The following RHD variants were observed in gnomAD, a reference collection of about 807,000 sequenced individuals.
RHD encodes Rh blood group D antigen, also known as blood group Rh(D) polypeptide.
A neutral mutation model predicts 45.5 loss-of-function variants in RHD; 16 were observed. The ratio of observed to expected loss-of-function variants is 0.35; its 90% confidence interval spans 0.24 to 0.53. The LOEUF (loss-of-function observed/expected upper bound fraction) is 0.53. Among genes scored for constraint, RHD ranks in the 20% least tolerant of loss-of-function variants. RHD has a pLI of 0.92. For missense variants in RHD, 306 were observed against 532.0 expected (o/e 0.58, Z 4.18); for synonymous variants, 131 against 217.5 (o/e 0.60, Z 3.50).
rs1296622342 is a variant in RHD at position 25,295,971 on chromosome 1, T to C, written c.487-4975T>C. ...TCTGCCTTCCAGGTTCAAGTGATTC[T>C]CCTGTCTCAGCTTCCCGAGTAGCTG... is the stretch of plus-strand genomic sequence containing the variant. On this transcript the variant is annotated intron_variant, in intron 3 of 9. Transcript: ENST00000328664. 1.7e-4 allele frequency among the ~76,000 whole-genome samples: 20 copies of C among 115,626 alleles called. 6 individuals carry two copies. The highest frequency in any genetic ancestry group is 3.6e-4 in the Non-Finnish European group (18 of 49,788). 75.9% of individuals were successfully genotyped at this position (115,626 alleles called of 152,430 possible). A position where few individuals can be genotyped will look rare whatever the true frequency, so the allele number is the denominator to read the frequency against.
rs989205835 is a variant in RHD, at chr1:25,304,337, C to T, written c.939+878C>T. On this transcript the variant is annotated intron_variant, in intron 6 of 9. Transcript: ENST00000328664. ...CTAAAATTAGGAAAAACTGGCTGGG[C>T]GCAGTGGCTCACGCGCTTTGGGAGG... 7 of 119,588 alleles carry T rather than the reference C, an allele frequency of 5.9e-5. 3 individuals carry two copies. Among genetic ancestry groups the T allele is most frequent in the East Asian group, 2.0e-4 (1 of 4,988 alleles). The allele number at this position is 119,588 out of a possible 1,614,324, so 7.4% of individuals were successfully genotyped here.
rs1448947675 is a variant in RHD at position 25,273,848 on chromosome 1, C to T, written c.148+1153C>T. On this transcript the variant is annotated intron_variant, in intron 1 of 9. Coordinates refer to ENST00000328664, the MANE Select transcript of RHD (RefSeq NM_016124.6). ...TTGCTTGTTCCTAGGTTGATATGAA[C>T]GGCTAGTTAACTGGAAGCAAAGAGA... Among the ~76,000 whole-genome samples the T allele has an allele frequency of 3.9e-5, 5 of 129,136 alleles. 2 individuals are homozygous for T. Among genetic ancestry groups the T allele is most frequent in the Non-Finnish European group, 7.3e-5 (4 of 54,602 alleles). The allele number at this position is 129,136 out of a possible 152,430, so 84.7% of individuals were successfully genotyped here. A position where few individuals can be genotyped will look rare whatever the true frequency, so the allele number is the denominator to read the frequency against.
chr1:25,281,325 C>T (rs1571590541), intron 1 of RHD, among the ~76,000 whole-genome samples: 1 of 129,766 alleles, frequency 7.7e-6, no homozygotes, highest in East Asian at 2.0e-4. Context: ...CCTCTGGGCC[C>T]GGTCATGAGC....
rs1193592351 is a variant in RHD, at chr1:25,291,720, C to A, written c.486+929C>A. 1.5e-5 allele frequency among the ~76,000 whole-genome samples: 2 copies of A among 132,468 alleles called. 1 individual carries two copies. The highest frequency in any genetic ancestry group is 5.2e-5 in the African/African-American group (2 of 38,816). The allele number at this position is 132,468 out of a possible 152,430, so 86.9% of individuals were successfully genotyped here. A position where few individuals can be genotyped will look rare whatever the true frequency, so the allele number is the denominator to read the frequency against. On this transcript the variant is annotated intron_variant, in intron 3 of 9. Transcript: ENST00000328664. ...AGCCAGCATCTTCTTTCAGTCAGTG[C>A]GTGTCAGTAACTGCATATGTCCTCT... is the stretch of plus-strand genomic sequence containing the variant.
intron 3 of RHD, 131 bp from the exon 4 acceptor site, chr1:25,300,815 C>T: frequency 9.4e-7 from 1 of 1,058,518 alleles, no homozygotes; most frequent in East Asian, 2.3e-5. Context: ...GCTGGGTAAG[C>T]TCTGAACACC....
Position 25,319,320 on chromosome 1 carries a change from A to G in RHD, c.1153+2241A>G, listed in dbSNP as rs1225858774. On this transcript the variant is annotated intron_variant, in intron 8 of 9. Coordinates refer to ENST00000328664, the MANE Select transcript of RHD (RefSeq NM_016124.6). ...TTTACATGTTGTTTTTGACATGAGCAAACTGGTGATTAAAAACAACTTGGG... is the reference window on the plus strand; with the variant it reads ...TTTACATGTTGTTTTTGACATGAGCGAACTGGTGATTAAAAACAACTTGGG... Among the ~76,000 whole-genome samples the G allele has an allele frequency of 5.3e-5, 7 of 132,816 alleles. 3 individuals carry two copies. The highest frequency in any genetic ancestry group is 1.3e-4 in the Non-Finnish European group (7 of 55,970). 87.1% of individuals were successfully genotyped at this position (132,816 alleles called of 152,430 possible).
intron 3 of RHD, among the ~76,000 whole-genome samples, chr1:25,295,857 T>G (rs1307995634): frequency 5.1e-5 from 2 of 39,294 alleles, no homozygotes; most frequent in Non-Finnish European, 1.6e-4. Context: ...GAAATTTTTT[T>G]TTTTTTTTTT....
intron 5 of RHD, among the ~76,000 whole-genome samples, chr1:25,302,606 T>A (rs1423912923): frequency 1.5e-5 from 2 of 129,724 alleles, no homozygotes; most frequent in African/African-American, 5.3e-5. Flanking sequence ...GCTCCGGTTC[T>A]GGAGCAGTGA....
intron 6 of RHD, among the ~76,000 whole-genome samples, chr1:25,305,581 ATTT>A (rs1643750945): frequency 8.8e-6 from 1 of 113,950 alleles, no homozygotes; most frequent in Admixed American, 8.2e-5. Flanking sequence ...GTGTGTATGT[ATTT>A]TGTTGTTGTT....
rs1250941570 is a variant in RHD, at chr1:25,311,058, A to G, written c.1073+4329A>G. ...TGAGGGCTTAAAGGAAGACCCCAGA[A>G]CTAGGGAAAGTCTGGAACTTCTTAA... On this transcript the variant is annotated intron_variant, in intron 7 of 9. Transcript: ENST00000328664. Among the ~76,000 whole-genome samples, 2 of 132,122 alleles carry G rather than the reference A, an allele frequency of 1.5e-5. 1 individual carries two copies. Among genetic ancestry groups the G allele is most frequent in the Non-Finnish European group, 3.6e-5 (2 of 55,854 alleles). The allele number at this position is 132,122 out of a possible 152,430, so 86.7% of individuals were successfully genotyped here.
chr1:25,287,237 T>C (rs1642104926), intron 2 of RHD, among the ~76,000 whole-genome samples: 1 of 135,554 alleles, frequency 7.4e-6, no homozygotes, highest in African/African-American at 2.5e-5. Flanking sequence ...GTGGTGGCCC[T>C]GGTTTGGTGT....
chr1:25,309,092 C>G (rs1270154744), intron 7 of RHD, among the ~76,000 whole-genome samples: 2 of 131,658 alleles, frequency 1.5e-5, no homozygotes, highest in South Asian at 2.3e-4. Flanking sequence ...GGATTAGCTA[C>G]TTGGTGGCAT....
In RHD at chr1:25,287,395, T is replaced by C. The variant is rs1302769677; in HGVS notation, c.335+2636T>C. 1.3e-4 allele frequency among the ~76,000 whole-genome samples: 17 copies of C among 135,234 alleles called. 3 individuals carry two copies. The highest frequency in any genetic ancestry group is 4.1e-4 in the African/African-American group (16 of 39,188). The allele number at this position is 135,234 out of a possible 152,430, so 88.7% of individuals were successfully genotyped here. A position where few individuals can be genotyped will look rare whatever the true frequency, so the allele number is the denominator to read the frequency against. On this transcript the variant is annotated intron_variant, in intron 2 of 9. Coordinates refer to ENST00000328664, the MANE Select transcript of RHD (RefSeq NM_016124.6). Reference sequence around the variant, plus strand: ...GGAGAGAAGTCACTCGCAGCCTGAGTGAACTCCCCTGCCCCACCCCTGACT... The same window carrying C: ...GGAGAGAAGTCACTCGCAGCCTGAGCGAACTCCCCTGCCCCACCCCTGACT...
rs1444398939 is a variant in RHD at position 25,282,202 on chromosome 1, T to C, written c.149-2371T>C. Among the ~76,000 whole-genome samples the C allele has an allele frequency of 1.5e-5, 2 of 132,884 alleles. 1 individual carries two copies. Among genetic ancestry groups the C allele is most frequent in the Non-Finnish European group, 3.6e-5 (2 of 56,014 alleles). 87.2% of individuals were successfully genotyped at this position (132,884 alleles called of 152,430 possible). A position where few individuals can be genotyped will look rare whatever the true frequency, so the allele number is the denominator to read the frequency against. ...AGCAACTTACAAGACCACAGGGCTA[T>C]GAAGTGGAAACACATAAATTGATAT... On this transcript the variant is annotated intron_variant, in intron 1 of 9. Transcript: ENST00000328664.
intron 1 of RHD, among the ~76,000 whole-genome samples, chr1:25,281,655 AC>A (rs1641498215): frequency 7.7e-6 from 1 of 129,814 alleles, no homozygotes; most frequent in African/African-American, 2.6e-5. Context: ...CTGGCCACAC[AC>A]CCCCATTCCT....
rs1641449368 is a variant in RHD, at chr1:25,281,014, C to T, written c.149-3559C>T. 1.5e-5 allele frequency among the ~76,000 whole-genome samples: 2 copies of T among 131,978 alleles called. 1 individual carries two copies. The highest frequency in any genetic ancestry group is 3.6e-5 in the Non-Finnish European group (2 of 55,902). 86.6% of individuals were successfully genotyped at this position (131,978 alleles called of 152,430 possible). A position where few individuals can be genotyped will look rare whatever the true frequency, so the allele number is the denominator to read the frequency against. ...CTAACTTCTTTGGAATATTCCAGAGCTGTAAAAGCCTTAGAGAGTATCAAG... is the reference window on the plus strand; with the variant it reads ...CTAACTTCTTTGGAATATTCCAGAGTTGTAAAAGCCTTAGAGAGTATCAAG... On this transcript the variant is annotated intron_variant, in intron 1 of 9. Transcript: ENST00000328664.
At chr1:25,305,164 G>T (rs28703207) in intron 6 of RHD, among the ~76,000 whole-genome samples, 119,770 of 129,202 alleles carry the variant, frequency 0.93, 57,330 homozygotes, top group Non-Finnish European at 1. Flanking sequence ...TGTTGACAGA[G>T]AAGTAGTATT....
At chr1:25,296,366 C>T (rs1342146776) in intron 3 of RHD, among the ~76,000 whole-genome samples, 1 of 123,650 alleles carries the variant, frequency 8.1e-6, no homozygotes, top group African/African-American at 2.7e-5. Flanking sequence ...TGTGCCTCAC[C>T]CTCCCGAGTA....
rs940714235 is a variant in RHD at position 25,278,739 on chromosome 1, A to C, written c.149-5834A>C. On this transcript the variant is annotated intron_variant, in intron 1 of 9. Coordinates refer to ENST00000328664, the MANE Select transcript of RHD (RefSeq NM_016124.6). ...AAAGGCAGAGAGAGGGGCTACTAGA[A>C]GACAGAGGAGTTTTCCCAGTGACAT... Among the ~76,000 whole-genome samples, 8 of 131,738 alleles carry C rather than the reference A, an allele frequency of 6.1e-5. 3 individuals are homozygous for C. Among genetic ancestry groups the C allele is most frequent in the Non-Finnish European group, 3.6e-5 (2 of 55,582 alleles). The allele number at this position is 131,738 out of a possible 152,430, so 86.4% of individuals were successfully genotyped here. A position where few individuals can be genotyped will look rare whatever the true frequency, so the allele number is the denominator to read the frequency against.
Sources: allele counts gnomAD v4.1 joint callset (sites outside exome capture counted in the v4.1 genomes callset), GRCh38; gene constraint gnomAD v4.1.1; transcripts MANE v1.5; gene names NCBI Gene and HGNC (gene_info 2026-07-23, HGNC 2026-07-21).